The following CTNNA2 variants were observed in gnomAD, a reference collection of about 807,000 sequenced individuals.
CTNNA2 encodes catenin alpha 2.
Under a neutral mutation model 101.0 loss-of-function variants are expected in CTNNA2, and 42 were observed. The ratio of observed to expected loss-of-function variants is 0.42; its 90% CI spans 0.32 to 0.54. CTNNA2 has a LOEUF of 0.54. CTNNA2 is among the 20% of genes least tolerant of loss of function. The pLI is 0.14. For synonymous variants in CTNNA2, 450 were observed against 456.4 expected, an observed-to-expected ratio of 0.99 and a Z score of 0.18; for missense variants, 871 against 1,223.1, an observed-to-expected ratio of 0.71 and a Z score of 4.29.
intron 7 of CTNNA2, among the ~76,000 whole-genome samples, chr2:80,126,477 C>T (rs115661988): frequency 1.3e-5 from 2 of 151,904 alleles, no homozygotes; most frequent in African/African-American, 2.4e-5. Context: ...CTCTCTCTCT[C>T]TCTGTCTTGA....
At chr2:80,388,397 G>A (rs1677209712) in intron 7 of CTNNA2, among the ~76,000 whole-genome samples, 1 of 152,202 alleles carries the variant, frequency 6.6e-6, no homozygotes, top group Admixed American at 6.5e-5. Flanking sequence ...CTCCCCAAAA[G>A]CAAGCACTTA....
At chr2:80,015,956 A>G (rs1271335344) in intron 7 of CTNNA2, among the ~76,000 whole-genome samples, 2 of 152,226 alleles carry the variant, frequency 1.3e-5, no homozygotes, top group Non-Finnish European at 2.9e-5. Context: ...ATTTGCTTCA[A>G]AGGACAGCCG....
intron 3 of CTNNA2, among the ~76,000 whole-genome samples, chr2:79,796,558 C>A (rs1179401881): frequency 6.6e-6 from 1 of 152,180 alleles, no homozygotes; most frequent in Non-Finnish European, 1.5e-5. Flanking sequence ...GGGCATACAA[C>A]CAGATTGCCT....
intron 3 of CTNNA2, among the ~76,000 whole-genome samples, chr2:79,828,756 TAAC>T (rs1678637481): frequency 6.6e-6 from 1 of 152,216 alleles, no homozygotes; most frequent in Non-Finnish European, 1.5e-5. Flanking sequence ...CTTCTTCAAC[TAAC>T]AACATCAGCA....
chr2:79,805,713 G>A (rs1676519257), intron 3 of CTNNA2, among the ~76,000 whole-genome samples: 1 of 152,012 alleles, frequency 6.6e-6, no homozygotes, highest in African/African-American at 2.4e-5. Context: ...TGAGATGGGT[G>A]GATCACGAGG....
chr2:79,957,034 C>T lies in CTNNA2; in HGVS notation c.1056+47237C>T, dbSNP rs867268254. 2.0e-5 allele frequency among the ~76,000 whole-genome samples: 3 copies of T among 152,122 alleles called. No homozygotes were observed. In the Middle Eastern group the frequency reaches 0.01, roughly 521 times the overall value. ...ATTACTAATGTGAATTCCTTTTCAACATCCCCAGATCCTCTTCTGTAACTT... is the reference window on the plus strand; with the variant it reads ...ATTACTAATGTGAATTCCTTTTCAATATCCCCAGATCCTCTTCTGTAACTT... On this transcript the variant is annotated intron_variant, in intron 7 of 18. Transcript: ENST00000402739.
chr2:79,432,211 A>G (rs1678666103), intron 4 of CTNNA2, among the ~76,000 whole-genome samples: 1 of 152,210 alleles, frequency 6.6e-6, no homozygotes, highest in Non-Finnish European at 1.5e-5. Context: ...TGGAACGACA[A>G]GTATTTGCAA....
At chr2:79,423,888 T>G (rs1456421182) in intron 4 of CTNNA2, among the ~76,000 whole-genome samples, 2 of 152,186 alleles carry the variant, frequency 1.3e-5, no homozygotes, top group Non-Finnish European at 2.9e-5. Context: ...TCTTCAGAAC[T>G]CTGTCTTTCC....
At chr2:79,217,867 T>TTC (rs1211449936) in intron 2 of CTNNA2, among the ~76,000 whole-genome samples, 20 of 152,302 alleles carry the variant, frequency 1.3e-4, no homozygotes, top group African/African-American at 4.6e-4. Flanking sequence ...GACACTAAAC[T>TTC]TCTTGAGGGC....
At chr2:79,848,776 C>T (rs1241119602) in intron 3 of CTNNA2, among the ~76,000 whole-genome samples, 2 of 152,184 alleles carry the variant, frequency 1.3e-5, no homozygotes, top group Admixed American at 6.5e-5. Flanking sequence ...GGAAAGAACA[C>T]TGACCAAATG....
At chr2:79,310,473 T>C (rs1003965364) in intron 2 of CTNNA2, among the ~76,000 whole-genome samples, 3 of 152,224 alleles carry the variant, frequency 2.0e-5, no homozygotes, top group East Asian at 1.9e-4. Flanking sequence ...ATGTCACTGG[T>C]TATCACGTAA....
At chr2:79,282,164 T>G (rs923051295) in intron 2 of CTNNA2, among the ~76,000 whole-genome samples, 1 of 152,144 alleles carries the variant, frequency 6.6e-6, no homozygotes, top group Admixed American at 6.5e-5. Context: ...CTTAAGCCAC[T>G]TCCAAATGTC....
chr2:79,543,543 A>G (rs1242152255), intron 1 of CTNNA2, among the ~76,000 whole-genome samples: 1 of 152,094 alleles, frequency 6.6e-6, no homozygotes, highest in East Asian at 1.9e-4. Flanking sequence ...GACTGTTTTG[A>G]TGGTTTTCAA....
chr2:80,473,193 C>T (rs1207399828), intron 9 of CTNNA2, among the ~76,000 whole-genome samples: 3 of 152,174 alleles, frequency 2.0e-5, no homozygotes, highest in Admixed American at 2.0e-4. Flanking sequence ...TGACCCCAGA[C>T]TCCCCAGGCC....
intron 4 of CTNNA2, among the ~76,000 whole-genome samples, chr2:79,495,376 TATC>T (rs1671245934): frequency 6.6e-6 from 1 of 152,148 alleles, no homozygotes; most frequent in African/African-American, 2.4e-5. Context: ...AAAAGATGCT[TATC>T]ATCATCCATT....
At chr2:80,230,958 G>GTTTGTTTTGTTTTGTTTTGT (rs111940943) in intron 7 of CTNNA2, among the ~76,000 whole-genome samples, 32 of 151,356 alleles carry the variant, frequency 2.1e-4, no homozygotes, top group African/African-American at 7.6e-4. Context: ...TGTTCCTGGT[G>GTTTGTTTTGTTTTGTTTTGT]TTTGTTTTGT....
chr2:79,741,484 C>T (rs1671281538), intron 2 of CTNNA2, among the ~76,000 whole-genome samples: 1 of 152,040 alleles, frequency 6.6e-6, no homozygotes, highest in South Asian at 2.1e-4. Context: ...CTTGAGTCTT[C>T]CCATCCAAGA....
chr2:79,426,408 G>T (rs144437060), intron 4 of CTNNA2, among the ~76,000 whole-genome samples: 5 of 152,120 alleles, frequency 3.3e-5, no homozygotes, highest in African/African-American at 9.6e-5. Flanking sequence ...TGCTTTGATG[G>T]AGTAACAATT....
intron 12 of CTNNA2, among the ~76,000 whole-genome samples, chr2:80,557,119 T>C (rs190514872): frequency 1.8e-4 from 27 of 152,304 alleles, no homozygotes; most frequent in African/African-American, 6.3e-4. Context: ...AACAGAATAG[T>C]GTGGTATCAT....
Sources: gnomAD v4.1 joint callset for allele counts (sites outside exome capture counted in the v4.1 genomes callset) on GRCh38, gnomAD v4.1.1 for gene constraint, MANE v1.5 for transcripts, NCBI Gene and HGNC (gene_info 2026-07-23, HGNC 2026-07-21) for gene names.